Variants in HSD11B1 observed in about 807,000 individuals in gnomAD.
HSD11B1 encodes the protein hydroxysteroid 11-beta dehydrogenase 1.
In HSD11B1, 15 loss-of-function variants were observed where a neutral mutation model predicts 22.1. The observed-to-expected ratio is 0.68, with a 90% CI of 0.45 to 1.04. HSD11B1 has a LOEUF of 1.04. HSD11B1 is among the 50% of genes least tolerant of loss of function. The pLI is 0.00. For synonymous variants in HSD11B1, 122 were observed against 125.2 expected, an observed-to-expected ratio of 0.97 and a Z score of 0.17; for missense variants, 281 against 357.6, an observed-to-expected ratio of 0.79 and a Z score of 1.73.
intron 4 of HSD11B1, among the ~76,000 whole-genome samples, chr1:209,717,012 A>G (rs1263669365): frequency 6.6e-6 from 1 of 152,230 alleles, no homozygotes; most frequent in African/African-American, 2.4e-5. Flanking sequence ...TTTTATGACT[A>G]AGACCCCAAA....
intron 4 of HSD11B1, among the ~76,000 whole-genome samples, chr1:209,719,907 T>C (rs763901406): frequency 7.2e-5 from 11 of 152,210 alleles, no homozygotes; most frequent in Non-Finnish European, 1.5e-4. Context: ...CCTTTGGGTA[T>C]ATACCCAGTA....
Position 209,706,596 on chromosome 1 carries a change from C to T in HSD11B1, c.220-113C>T, listed in dbSNP as rs1170219856. Reference sequence around the variant, plus strand: ...ACACACACAAACATACTTACCATTTCTTACCTAAACAGGGCTGTGAGCAAT... The same window carrying T: ...ACACACACAAACATACTTACCATTTTTTACCTAAACAGGGCTGTGAGCAAT... On this transcript the variant is annotated intron_variant, in intron 2 of 5. Coordinates refer to ENST00000367027, the MANE Select transcript of HSD11B1 (RefSeq NM_005525.4). This position sits in a 1 kb window ranked among gnomAD's most constrained non-coding sequence, Gnocchi z 4.0. 4 of 785,982 alleles carry T rather than the reference C, an allele frequency of 5.1e-6. No individual in the cohort carries two copies. In the East Asian group the frequency reaches 9.7e-5, roughly 19 times the overall value. 48.7% of individuals were successfully genotyped at this position (785,982 alleles called of 1,614,324 possible).
At chr1:209,713,356 T>G (rs2076910279) in intron 4 of HSD11B1, among the ~76,000 whole-genome samples, 1 of 152,252 alleles carries the variant, frequency 6.6e-6, no homozygotes, top group South Asian at 2.1e-4. Flanking sequence ...TTTAGCTTCA[T>G]ATTTTTCTTC....
intron 1 of HSD11B1, among the ~76,000 whole-genome samples, chr1:209,689,283 C>T (rs1244222988): frequency 6.6e-6 from 1 of 152,146 alleles, no homozygotes; most frequent in Non-Finnish European, 1.5e-5. Flanking sequence ...GGATTCTTCC[C>T]TGTAGAAAGG....
chr1:209,721,336 G>A (rs2076965003), intron 4 of HSD11B1, among the ~76,000 whole-genome samples: 2 of 151,990 alleles, frequency 1.3e-5, no homozygotes, highest in Non-Finnish European at 2.9e-5. Context: ...CTAAGTATTT[G>A]GGGGAGATGG....
chr1:209,717,514 A>T (rs770257465), intron 4 of HSD11B1, among the ~76,000 whole-genome samples: 2 of 152,328 alleles, frequency 1.3e-5, no homozygotes, highest in Non-Finnish European at 2.9e-5. Flanking sequence ...AACTAAAAAT[A>T]GAACTATCAT....
intron 5 of HSD11B1, 95 bp from the exon 6 acceptor site, chr1:209,734,209 A>T (rs2077053081): frequency 1.1e-6 from 1 of 938,958 alleles, no homozygotes; most frequent in African/African-American, 1.6e-5. Flanking sequence ...ACACTGCCAA[A>T]AGCCCCTGAC....
At chr1:209,695,017 G>A (rs989344117) in intron 1 of HSD11B1, among the ~76,000 whole-genome samples, 3 of 152,156 alleles carry the variant, frequency 2.0e-5, no homozygotes, top group Non-Finnish European at 2.9e-5. Flanking sequence ...TGGATTATGG[G>A]GGTTCCCCCA....
chr1:209,704,834 G>T (rs187911765), upstream of HSD11B1: 1 of 818,330 alleles, frequency 1.2e-6, no homozygotes, highest in Admixed American at 1.9e-5. Context: ...AGCCTCCCCC[G>T]TCCCTGATGT....
chr1:209,699,096 G>A (rs914455685), intron 1 of HSD11B1, among the ~76,000 whole-genome samples: 13 of 152,164 alleles, frequency 8.5e-5, no homozygotes, highest in African/African-American at 3.1e-4. Flanking sequence ...ACACACATGA[G>A]GGAGGAGAAC....
At chr1:209,730,286 C>A (rs1219341236) in intron 4 of HSD11B1, among the ~76,000 whole-genome samples, 2 of 152,236 alleles carry the variant, frequency 1.3e-5, no homozygotes, top group Admixed American at 6.6e-5. Context: ...AATCCAAGGT[C>A]ATTCCACATT....
chr1:209,714,525 C>A (rs1283688906), intron 4 of HSD11B1, among the ~76,000 whole-genome samples: 5 of 152,182 alleles, frequency 3.3e-5, no homozygotes, highest in African/African-American at 1.2e-4. Context: ...TTTCTGGCTT[C>A]ATGTCTTTCC....
At chr1:209,726,502 A>G (rs2077003571) in intron 4 of HSD11B1, among the ~76,000 whole-genome samples, 1 of 152,082 alleles carries the variant, frequency 6.6e-6, no homozygotes, top group Non-Finnish European at 1.5e-5. Flanking sequence ...GCAACTCAGG[A>G]GGCTGGGGTG....
In HSD11B1 at chr1:209,732,521, T is replaced by A; in HGVS notation, c.603T>A (p.Tyr201Ter). The stretch of plus-strand genomic sequence containing the variant: ...TCTTCTCCTCCATCAGAAAGGAATA[T>A]TCAGTGTCCAGGGTCAATGTATCAA... The part of the protein sequence containing the change: ...DGFFSSIRKE[Y>*]SVSRVNVSIT... The change falls in exon 5 of 6, where the codon TAT becomes TAA. Residue 201 changes from tyrosine (Y) to a stop codon, truncating the protein, a stop_gained. Transcript: ENST00000367027. LOFTEE classifies it high-confidence loss of function. 1 of 1,614,032 alleles carries A rather than the reference T, an allele frequency of 6.2e-7. No individual in the cohort carries two copies. Among genetic ancestry groups the A allele is most frequent in the East Asian group, 2.2e-5 (1 of 44,874 alleles).
At chr1:209,724,328 C>T (rs2076986978) in intron 4 of HSD11B1, among the ~76,000 whole-genome samples, 1 of 152,164 alleles carries the variant, frequency 6.6e-6, no homozygotes, top group Non-Finnish European at 1.5e-5. Flanking sequence ...GGAAAATCCC[C>T]CACCCCTTCT....
At chr1:209,712,690 T>A (rs1291262653) in intron 4 of HSD11B1, among the ~76,000 whole-genome samples, 1 of 152,218 alleles carries the variant, frequency 6.6e-6, no homozygotes, top group East Asian at 1.9e-4. Flanking sequence ...GTGTATTTTT[T>A]AAAGTCTAGG....
At chr1:209,710,122 T>G (rs2076885910) in intron 4 of HSD11B1, among the ~76,000 whole-genome samples, 1 of 152,150 alleles carries the variant, frequency 6.6e-6, no homozygotes, top group South Asian at 2.1e-4. Flanking sequence ...AGTAGAAATA[T>G]TAATACTTGA....
chr1:209,710,876 T>C (rs2076890755), intron 4 of HSD11B1, among the ~76,000 whole-genome samples: 1 of 152,222 alleles, frequency 6.6e-6, no homozygotes, highest in South Asian at 2.1e-4. Context: ...AAAATCAACT[T>C]TCCCTATATA....
upstream of HSD11B1, chr1:209,704,782 G>A: frequency 1.6e-6 from 1 of 628,310 alleles, no homozygotes. Context: ...GCCAATCGCT[G>A]CTCTGACAGG....
Sources: allele counts gnomAD v4.1 joint callset (sites outside exome capture counted in the v4.1 genomes callset), GRCh38; gene constraint gnomAD v4.1.1; non-coding constraint Gnocchi (gnomAD v3.1); transcripts MANE v1.5; gene names NCBI Gene and HGNC (gene_info 2026-07-23, HGNC 2026-07-21).